The following CTNNA2 variants were observed in gnomAD, a reference collection of about 807,000 sequenced individuals.
CTNNA2 encodes catenin alpha 2.
In CTNNA2, 42 loss-of-function variants were observed where a neutral mutation model predicts 101.0. The observed-to-expected ratio is 0.42, with a 90% CI of 0.32 to 0.54. The LOEUF is 0.54. CTNNA2 is among the 20% of genes least tolerant of loss of function. The pLI, the probability that CTNNA2 is intolerant of heterozygous loss-of-function variation, is 0.14. For synonymous variants in CTNNA2, 450 were observed against 456.4 expected, an observed-to-expected ratio of 0.99 and a Z score of 0.18; for missense variants, 871 against 1,223.1, an observed-to-expected ratio of 0.71 and a Z score of 4.29.
intron 7 of CTNNA2, among the ~76,000 whole-genome samples, chr2:80,001,293 G>A (rs1395586737): frequency 6.6e-6 from 1 of 152,072 alleles, no homozygotes; most frequent in African/African-American, 2.4e-5. Context: ...TAGGGTTATG[G>A]CCAAACTCAG....
intron 18 of CTNNA2, among the ~76,000 whole-genome samples, chr2:80,624,125 C>T (rs1342384064): frequency 6.6e-6 from 1 of 151,942 alleles, no homozygotes; most frequent in Non-Finnish European, 1.5e-5. Flanking sequence ...AGTTGTTCTA[C>T]ATCTTCCAAG....
intron 2 of CTNNA2, among the ~76,000 whole-genome samples, chr2:79,265,586 T>G (rs1674977017): frequency 6.6e-6 from 1 of 152,100 alleles, no homozygotes; most frequent in South Asian, 2.1e-4. Flanking sequence ...TGGAGAAAAA[T>G]GACATGAATA....
At chr2:80,140,216 G>A (rs1702924711) in intron 7 of CTNNA2, among the ~76,000 whole-genome samples, 1 of 152,136 alleles carries the variant, frequency 6.6e-6, no homozygotes, top group South Asian at 2.1e-4. Context: ...AAAACCAAAT[G>A]CACCCCACTA....
intron 4 of CTNNA2, among the ~76,000 whole-genome samples, chr2:79,479,502 C>A (rs187246677): frequency 2.6e-5 from 4 of 152,252 alleles, no homozygotes; most frequent in African/African-American, 9.6e-5. Flanking sequence ...ATTACATTTA[C>A]TTGGATGTAG....
intron 1 of CTNNA2, among the ~76,000 whole-genome samples, chr2:79,620,980 A>G (rs1467933220): frequency 6.6e-6 from 1 of 152,152 alleles, no homozygotes; most frequent in Non-Finnish European, 1.5e-5. Flanking sequence ...GCTTTACAGG[A>G]GTATATCTGG....
At chr2:79,617,708 C>T (rs1174248524) in intron 1 of CTNNA2, among the ~76,000 whole-genome samples, 1 of 152,062 alleles carries the variant, frequency 6.6e-6, no homozygotes, top group Non-Finnish European at 1.5e-5. Flanking sequence ...GAGAACCTGA[C>T]CAATAGTGGT....
chr2:80,106,029 CT>C (rs1558814209), intron 7 of CTNNA2, among the ~76,000 whole-genome samples: 1 of 152,198 alleles, frequency 6.6e-6, no homozygotes, highest in African/African-American at 2.4e-5. Flanking sequence ...GGTTTTATTA[CT>C]TGCCACAGGT....
intron 4 of CTNNA2, among the ~76,000 whole-genome samples, chr2:79,473,342 A>C (rs933796927): frequency 6.6e-6 from 1 of 152,146 alleles, no homozygotes; most frequent in Non-Finnish European, 1.5e-5. Flanking sequence ...AGACAAAAAA[A>C]TCACAAATCC....
rs1553420881 is a variant in CTNNA2 at position 79,982,240 on chromosome 2, ATG to A, written c.1056+72445_1056+72446del. 1.6e-3 allele frequency among the ~76,000 whole-genome samples: 132 copies of A among 82,790 alleles called. 5 individuals are homozygous for A. Among genetic ancestry groups the A allele is most frequent in the East Asian group, 5.6e-3 (13 of 2,312 alleles). The allele number at this position is 82,790 out of a possible 152,430, so 54.3% of individuals were successfully genotyped here. On this transcript the variant is annotated intron_variant, in intron 7 of 18. Transcript: ENST00000402739. ...TATATATATATATATATATATATAT[ATG>A]TATGTATATGTACACACACACATAA...
At chr2:79,489,308 C>T (rs933156599) in intron 4 of CTNNA2, among the ~76,000 whole-genome samples, 3 of 151,910 alleles carry the variant, frequency 2.0e-5, no homozygotes, top group Admixed American at 1.3e-4. Context: ...CATTTTAATC[C>T]CAAGGGTCCA....
intron 8 of CTNNA2, among the ~76,000 whole-genome samples, chr2:80,403,979 A>C (rs950859228): frequency 2.0e-5 from 3 of 152,208 alleles, no homozygotes; most frequent in African/African-American, 7.2e-5. Context: ...GTAGTGGATA[A>C]ACTTTTTAAT....
chr2:79,646,685 A>G (rs1029334830), intron 1 of CTNNA2, among the ~76,000 whole-genome samples: 4 of 152,052 alleles, frequency 2.6e-5, no homozygotes, highest in Admixed American at 2.0e-4. Context: ...TTGTGCCACC[A>G]TGCTCACCTA....
intron 7 of CTNNA2, among the ~76,000 whole-genome samples, chr2:80,165,647 G>A (rs1166954521): frequency 6.6e-6 from 1 of 152,126 alleles, no homozygotes; most frequent in Non-Finnish European, 1.5e-5. Flanking sequence ...CATGTCTCCT[G>A]TGCTGACATC....
chr2:80,393,044 G>A (rs1455296467), intron 7 of CTNNA2, among the ~76,000 whole-genome samples, 167 bp from the exon 8 acceptor site: 1 of 152,040 alleles, frequency 6.6e-6, no homozygotes, highest in Non-Finnish European at 1.5e-5. Context: ...ATTATTTCAG[G>A]AAAAACCAAC....
upstream of CTNNA2, among the ~76,000 whole-genome samples, chr2:79,508,271 T>C (rs1308863509): frequency 1.3e-5 from 2 of 152,170 alleles, no homozygotes; most frequent in East Asian, 1.9e-4. Flanking sequence ...TCCTTTTTGC[T>C]CAAAACTTAA....
intron 7 of CTNNA2, among the ~76,000 whole-genome samples, chr2:80,253,875 G>A (rs1409476645): frequency 3.3e-5 from 5 of 152,174 alleles, no homozygotes; most frequent in African/African-American, 1.2e-4. Flanking sequence ...TGGAGATAGG[G>A]TTGGGGGTTG....
intron 7 of CTNNA2, among the ~76,000 whole-genome samples, chr2:80,113,270 T>C (rs930454775): frequency 6.6e-6 from 1 of 152,240 alleles, no homozygotes; most frequent in African/African-American, 2.4e-5. Context: ...ACTGTACATT[T>C]AACTTCTAAT....
At chr2:80,101,201 A>G (rs1700520128) in intron 7 of CTNNA2, among the ~76,000 whole-genome samples, 1 of 152,182 alleles carries the variant, frequency 6.6e-6, no homozygotes, top group Non-Finnish European at 1.5e-5. Context: ...AACTACCACA[A>G]CAAAAAGATT....
intron 1 of CTNNA2, among the ~76,000 whole-genome samples, chr2:79,521,087 A>G (rs1245764060): frequency 1.5e-5 from 2 of 129,852 alleles, no homozygotes; most frequent in African/African-American, 5.7e-5. Context: ...TACCCCTTTG[A>G]GATAGAAAAC....
Sources: gnomAD v4.1 joint callset for allele counts (sites outside exome capture counted in the v4.1 genomes callset) on GRCh38, gnomAD v4.1.1 for gene constraint, MANE v1.5 for transcripts, NCBI Gene and HGNC (gene_info 2026-07-23, HGNC 2026-07-21) for gene names.